Variants in TAB2 observed in about 807,000 individuals in gnomAD.
TAB2 encodes TGF-beta-activated kinase 1 and MAP3K7-binding protein 2.
TAB2 carries 3 observed loss-of-function variants against 65.0 expected under a neutral mutation model. The ratio of observed to expected loss-of-function variants is 0.05; its 90% CI spans 0.02 to 0.12. The LOEUF (loss-of-function observed/expected upper bound fraction) is 0.12, where lower values mean the gene tolerates loss of function less well. Ranked by LOEUF, TAB2 falls within the 10% of genes least tolerant of loss-of-function variation. The pLI, the probability that TAB2 is intolerant of heterozygous loss-of-function variation, is 1.00. For missense variants in TAB2, 623 were observed against 840.3 expected (o/e 0.74, Z 3.20); for synonymous variants, 298 against 285.1 (o/e 1.05, Z -0.46).
rs939577992 is a variant in TAB2 at position 149,353,320 on chromosome 6, C to T, written c.-89-16589C>T. On this transcript the variant is annotated intron_variant, in intron 1 of 6. Coordinates refer to ENST00000637181, the MANE Select transcript of TAB2 (RefSeq NM_001292034.3). Reference sequence around the variant, plus strand: ...CTTACTTCTCTCTTTTACTAGGTAACGCAGGAATATAATACAGAATTCAAC... The same window carrying T: ...CTTACTTCTCTCTTTTACTAGGTAATGCAGGAATATAATACAGAATTCAAC... Among the ~76,000 whole-genome samples, 10 of 152,242 alleles carry T rather than the reference C, an allele frequency of 6.6e-5. No homozygotes were observed. The South Asian group carries it at 1.0e-3, about 16-fold the overall frequency.
intron 1 of TAB2, among the ~76,000 whole-genome samples, chr6:149,307,731 T>G (rs1336513455): frequency 6.6e-6 from 1 of 151,876 alleles, no homozygotes; most frequent in Non-Finnish European, 1.5e-5. Context: ...TCCCAAAGAG[T>G]TTTTCAGAAA....
intron 1 of TAB2, among the ~76,000 whole-genome samples, chr6:149,254,150 A>AAAGG (rs1554254318): frequency 2.7e-4 from 40 of 145,788 alleles, no homozygotes; most frequent in African/African-American, 9.5e-4. Flanking sequence ...GAAAGGAAAG[A>AAAGG]AAAGGAAAGG....
intron 1 of TAB2, among the ~76,000 whole-genome samples, chr6:149,329,080 T>C (rs1355760413): frequency 1.3e-5 from 2 of 152,028 alleles, no homozygotes; most frequent in African/African-American, 2.4e-5. Context: ...GGTGGAAAAT[T>C]AGAAAAAAGA....
At chr6:149,307,544 C>T (rs1041639135) in intron 1 of TAB2, among the ~76,000 whole-genome samples, 4 of 152,068 alleles carry the variant, frequency 2.6e-5, no homozygotes, top group South Asian at 2.1e-4. Context: ...TACTTTTAAC[C>T]GTTGTGGAAA....
At chr6:149,237,479 C>G (rs924066605) in intron 1 of TAB2, among the ~76,000 whole-genome samples, 2 of 152,172 alleles carry the variant, frequency 1.3e-5, no homozygotes, top group African/African-American at 4.8e-5. Flanking sequence ...CTACTATGCA[C>G]CCCCATGATG....
At chr6:149,232,595 C>A (rs934638993) in intron 1 of TAB2, among the ~76,000 whole-genome samples, 3 of 152,038 alleles carry the variant, frequency 2.0e-5, no homozygotes, top group African/African-American at 7.2e-5. Context: ...GGAACAAGGC[C>A]GATGACAGGA....
intron 1 of TAB2, among the ~76,000 whole-genome samples, chr6:149,271,632 G>A (rs1292584744): frequency 6.6e-6 from 1 of 152,136 alleles, no homozygotes; most frequent in Admixed American, 6.5e-5. Flanking sequence ...TCTACAGCTA[G>A]CTGCTCAGAA....
At chr6:149,315,388 G>A (rs1346676105), upstream of TAB2, among the ~76,000 whole-genome samples, 2 of 152,170 alleles carry the variant, frequency 1.3e-5, no homozygotes, top group Non-Finnish European at 2.9e-5. Flanking sequence ...ATGTGTGTAT[G>A]TGTGTATATG....
Position 149,370,067 on chromosome 6 carries a change from C to G in TAB2, c.70C>G (p.Pro24Ala). Reference protein sequence around the residue: ...HDLRQKFPEVPEVVVSRCMLQ... With the variant: ...HDLRQKFPEVAEVVVSRCMLQ... The stretch of plus-strand genomic sequence containing the variant: ...CCTGCGACAAAAATTCCCTGAAGTA[C>G]CTGAAGTTGTTGTATCCAGGTGCAT... The change falls in exon 2 of 7, where the codon CCT (proline) becomes GCT (alanine). Residue 24 changes from proline to alanine, a missense_variant. This residue lies in a region of TAB2 where 17 missense variants were observed against 44.2 expected (regional missense o/e 0.38). Coordinates refer to ENST00000637181, the MANE Select transcript of TAB2 (RefSeq NM_001292034.3). 1 of 1,613,946 alleles carries G rather than the reference C, an allele frequency of 6.2e-7. No individual in the cohort carries two copies. The highest frequency in any genetic ancestry group is 8.5e-7 in the Non-Finnish European group (1 of 1,179,948).
intron 1 of TAB2, chr6:149,245,234 G>A (rs988297616): frequency 6.6e-6 from 1 of 152,170 alleles, no homozygotes; most frequent in Non-Finnish European, 1.5e-5. Context: ...CCCAAGTTTT[G>A]GAAAGTAGAG....
intron 6 of TAB2, among the ~76,000 whole-genome samples, chr6:149,403,598 A>G (rs1782560778): frequency 6.6e-6 from 1 of 151,660 alleles, no homozygotes; most frequent in Non-Finnish European, 1.5e-5. Context: ...ATAAAGAAAA[A>G]AGGTTTAATT....
At chr6:149,318,185 G>A (rs1324651647) in intron 1 of TAB2, among the ~76,000 whole-genome samples, 170 bp downstream of exon 1, 1 of 152,108 alleles carries the variant, frequency 6.6e-6, no homozygotes, top group Non-Finnish European at 1.5e-5. Context: ...TTCCCCCAGT[G>A]GCGTGGCGGA....
chr6:149,222,746 A>T lies in TAB2; in HGVS notation c.-121+3970A>T, dbSNP rs115994193. ...TTTGAAAATCAGGAACTCACAGATGATTCAAAGTGTGACCTACACTTTTCT... is the reference window on the plus strand; with the variant it reads ...TTTGAAAATCAGGAACTCACAGATGTTTCAAAGTGTGACCTACACTTTTCT... On this transcript the variant is annotated intron_variant, in intron 1 of 1. Coordinates refer to the TAB2 transcript ENST00000606202. Among the ~76,000 whole-genome samples the T allele has an allele frequency of 5.1e-3, 773 of 152,216 alleles. 4 individuals are homozygous for T. Among genetic ancestry groups the T allele is most frequent in the African/African-American group, 0.017 (713 of 41,534 alleles).
Position 149,403,245 on chromosome 6 carries a change from AAAATATATATATAT to A in TAB2, c.1939+4063_1939+4076del, listed in dbSNP as rs1255671106. On this transcript the variant is annotated intron_variant, in intron 6 of 6. Coordinates refer to ENST00000637181, the MANE Select transcript of TAB2 (RefSeq NM_001292034.3). ...GCGAAACTCTTGTCTAAAAAAAAAA[AAAATATATATATAT>A]ATATATATATATATATATATATATA... 7.2e-4 allele frequency among the ~76,000 whole-genome samples: 34 copies of A among 47,172 alleles called. 2 individuals are homozygous for A. Among genetic ancestry groups the A allele is most frequent in the Middle Eastern group, 0.011 (1 of 92 alleles). 30.9% of individuals were successfully genotyped at this position (47,172 alleles called of 152,430 possible). A position where few individuals can be genotyped will look rare whatever the true frequency, so the allele number is the denominator to read the frequency against.
chr6:149,349,305 A>G (rs1050982079), intron 1 of TAB2, among the ~76,000 whole-genome samples: 4 of 150,442 alleles, frequency 2.7e-5, no homozygotes, highest in Admixed American at 6.6e-5. Context: ...CTGTAATCCT[A>G]GCTACTTGGG....
intron 1 of TAB2, among the ~76,000 whole-genome samples, chr6:149,256,854 G>A (rs184761032): frequency 3.1e-3 from 469 of 152,250 alleles, no homozygotes; most frequent in Middle Eastern, 6.8e-3. Flanking sequence ...TTTCATCCCA[G>A]GGGATAAAAA....
intron 3 of TAB2, among the ~76,000 whole-genome samples, chr6:149,387,598 T>A (rs1781846358): frequency 6.6e-6 from 1 of 152,178 alleles, no homozygotes; most frequent in African/African-American, 2.4e-5. Context: ...CTTGAAATTC[T>A]AAGTAAATTT....
At chr6:149,276,401 T>A (rs1253979870) in intron 1 of TAB2, among the ~76,000 whole-genome samples, 2 of 152,224 alleles carry the variant, frequency 1.3e-5, no homozygotes, top group Non-Finnish European at 2.9e-5. Flanking sequence ...GTGCTAGCGA[T>A]GAGACATTGT....
chr6:149,271,009 G>C (rs1228488787), intron 1 of TAB2, among the ~76,000 whole-genome samples: 1 of 152,006 alleles, frequency 6.6e-6, no homozygotes, highest in Admixed American at 6.6e-5. Context: ...TGAATCTGCT[G>C]CCATGTCGCT....
Sources: gnomAD v4.1 joint callset for allele counts (sites outside exome capture counted in the v4.1 genomes callset) on GRCh38, gnomAD v4.1.1 for gene constraint, gnomAD v4.1.1 regional missense constraint, MANE v1.5 for transcripts, NCBI Gene and HGNC (gene_info 2026-07-23, HGNC 2026-07-21) for gene names.